The following C6orf132 variants were observed in gnomAD, a reference collection of about 807,000 sequenced individuals.
C6orf132 encodes uncharacterized protein C6orf132.
Under a neutral mutation model 65.3 loss-of-function variants are expected in C6orf132, and 43 were observed. The observed-to-expected ratio is 0.66, with a 90% CI of 0.52 to 0.85. The LOEUF (loss-of-function observed/expected upper bound fraction) is 0.85. Ranked by LOEUF, C6orf132 falls within the 40% of genes least tolerant of loss-of-function variation. C6orf132 has a pLI of 0.00. For synonymous variants in C6orf132, 631 were observed against 654.1 expected, an observed-to-expected ratio of 0.96 and a Z score of 0.54; for missense variants, 1,488 against 1,548.8, an observed-to-expected ratio of 0.96 and a Z score of 0.66.
intron 1 of C6orf132, among the ~76,000 whole-genome samples, chr6:42,130,774 T>TA (rs1026894661): frequency 1.4e-4 from 21 of 151,832 alleles, no homozygotes; most frequent in African/African-American, 9.7e-5. Context: ...ATCTTTTTTT[T>TA]ATCTTTATTT....
At chr6:42,137,864 C>T (rs1163808057) in intron 1 of C6orf132, among the ~76,000 whole-genome samples, 4 of 151,314 alleles carry the variant, frequency 2.6e-5, no homozygotes, top group Non-Finnish European at 5.9e-5. Flanking sequence ...ATCACGAGGT[C>T]AGGAGATCGA....
At position 42,136,942 on chromosome 6, in the gene C6orf132, C is replaced by T. The variant is rs555653566; in HGVS notation, c.145+5358G>A. Among the ~76,000 whole-genome samples, 10 of 152,242 alleles carry T rather than the reference C, an allele frequency of 6.6e-5. No individual in the cohort carries two copies. In the South Asian group the frequency reaches 8.3e-4, roughly 13 times the overall value. On this transcript the variant is annotated intron_variant, in intron 1 of 4. Coordinates refer to ENST00000341865, the MANE Select transcript of C6orf132 (RefSeq NM_001164446.3). ...GGAGGAGCAGAGTGAACAGGGCCCT[C>T]GGCTTCCAAGCTAGGACTCGCCACT...
rs569073764 is a variant in C6orf132 at position 42,132,463 on chromosome 6, CA to C, written c.146-3686del. On this transcript the variant is annotated intron_variant, in intron 1 of 4. Coordinates refer to ENST00000341865, the MANE Select transcript of C6orf132 (RefSeq NM_001164446.3). The stretch of plus-strand genomic sequence containing the variant: ...CAGGGAGGCGGAGGTTGCAGTGAGC[CA>C]AGATTGCGCCACTGCACTTCAGCCT... 4.7e-3 allele frequency among the ~76,000 whole-genome samples: 708 copies of C among 150,540 alleles called. 5 individuals carry two copies. Among genetic ancestry groups the C allele is most frequent in the African/African-American group, 0.017 (676 of 40,908 alleles).
At position 42,142,542 on chromosome 6, in the gene C6orf132, C is replaced by A. The variant is rs1023141240; in HGVS notation, c.-98G>T. ...AGCACGGTCTCCCCAGGGGACTCTACCAGGCCATGTCCCCCGCCGTCCTCC... is the reference window on the plus strand; with the variant it reads ...AGCACGGTCTCCCCAGGGGACTCTAACAGGCCATGTCCCCCGCCGTCCTCC... On this transcript the variant is annotated 5_prime_UTR_variant, in exon 1 of 5. Coordinates refer to ENST00000341865, the MANE Select transcript of C6orf132 (RefSeq NM_001164446.3). 17 of 1,266,534 alleles carry A rather than the reference C, an allele frequency of 1.3e-5. No individual in the cohort carries two copies. Among genetic ancestry groups the A allele is most frequent in the Non-Finnish European group, 4.2e-6 (4 of 957,012 alleles). 78.5% of individuals were successfully genotyped at this position (1,266,534 alleles called of 1,614,324 possible).
rs771714331 is a variant in C6orf132, at chr6:42,105,336, A to G, written c.2576T>C (p.Leu859Pro). ...AQKGRSVGAA[L>P]GRSSLPGSLR... is the part of the protein sequence containing the mutation. ...ACTTCCTGGCAGAGAGGACCGACCC[A>G]GGGCAGCCCCTACAGACCTTCCCTT... is the stretch of plus-strand genomic sequence containing the variant. The change falls in exon 4 of 5, where the codon CTG becomes CCG. Residue 859 changes from leucine to proline, a missense_variant. Leu to Pro is a moderately conservative substitution (Grantham distance 98, BLOSUM62 -3). Transcript: ENST00000341865. The G allele has an allele frequency of 6.5e-7, 1 of 1,536,842 alleles. No homozygotes were observed. Among genetic ancestry groups the G allele is most frequent in the South Asian group, 1.2e-5 (1 of 84,064 alleles).
rs1055935250 is a variant in C6orf132, at chr6:42,105,528, G to GC, written c.2383dup (p.Ala795GlyfsTer27). On this transcript the variant is annotated frameshift_variant, in exon 4 of 5. Coordinates refer to ENST00000341865, the MANE Select transcript of C6orf132 (RefSeq NM_001164446.3). LOFTEE classifies it high-confidence loss of function. ...CACCTCCACGGGCTCCCCTGGCCCT[G>GC]CAGCCCCTCCTCTGGCCAGGGTGGG... The GC allele has an allele frequency of 6.5e-7, 1 of 1,533,634 alleles. No homozygotes were observed. The highest frequency in any genetic ancestry group is 1.4e-5 in the African/African-American group (1 of 72,990).
chr6:42,104,437 C>G lies in C6orf132; in HGVS notation c.3449+26G>C, dbSNP rs1766350782. ...CTGGCTTTCCACCCCTCCTGGCTTCCCGCACCAGCCGGGCCCGCAGCTCAC... is the reference window on the plus strand; with the variant it reads ...CTGGCTTTCCACCCCTCCTGGCTTCGCGCACCAGCCGGGCCCGCAGCTCAC... On this transcript the variant is annotated intron_variant, in intron 4 of 4. Transcript: ENST00000341865. This position sits in a 1 kb window ranked among gnomAD's most constrained non-coding sequence, Gnocchi z 4.1. 1.6e-6 allele frequency: 2 copies of G among 1,230,178 alleles called. No homozygotes were observed. The highest frequency in any genetic ancestry group is 8.5e-5 in the Admixed American group (2 of 23,642). The allele number at this position is 1,230,178 out of a possible 1,614,324, so 76.2% of individuals were successfully genotyped here.
intron 2 of C6orf132, among the ~76,000 whole-genome samples, chr6:42,112,234 A>G (rs574340340): frequency 6.6e-6 from 1 of 152,326 alleles, no homozygotes; most frequent in South Asian, 2.1e-4. Flanking sequence ...TGAGGCTCAA[A>G]GACCTTTGGT....
intron 1 of C6orf132, among the ~76,000 whole-genome samples, chr6:42,135,310 C>T (rs890291480): frequency 1.3e-5 from 2 of 152,214 alleles, no homozygotes; most frequent in African/African-American, 4.8e-5. Flanking sequence ...AAACATGGCC[C>T]CTGACTTGCA....
Position 42,105,868 on chromosome 6 carries a change from G to C in C6orf132, c.2044C>G (p.Pro682Ala), listed in dbSNP as rs1766393223. ...PLKATSGPTT[P>A]LKATSGPAIA... The stretch of plus-strand genomic sequence containing the variant: ...GCAGGGCCAGATGTGGCCTTGAGTG[G>C]TGTGGTTGGCCCAGATGTGGCCTTG... Residue 682 changes from proline (P) to alanine (A), a missense_variant, in exon 4 of 5, where the codon CCA becomes GCA. By Grantham distance (27) the Pro-to-Ala change is conservative (BLOSUM62 -1). Coordinates refer to ENST00000341865, the MANE Select transcript of C6orf132 (RefSeq NM_001164446.3). The C allele has an allele frequency of 1.3e-6, 2 of 1,537,080 alleles. No homozygotes were observed. The highest frequency in any genetic ancestry group is 1.7e-6 in the Non-Finnish European group (2 of 1,146,890).
chr6:42,104,341 T>C lies in C6orf132; in HGVS notation c.3449+122A>G, dbSNP rs1172419412. 1.6e-6 allele frequency: 2 copies of C among 1,221,892 alleles called. No individual in the cohort carries two copies. 75.7% of individuals were successfully genotyped at this position (1,221,892 alleles called of 1,614,324 possible). A position where few individuals can be genotyped will look rare whatever the true frequency, so the allele number is the denominator to read the frequency against. ...GTAAGTGGGCCTCCCTCCCGCGTTC[T>C]ACCTGCAAGGCCGAAGGGAGAAAAC... On this transcript the variant is annotated intron_variant, in intron 4 of 4. Transcript: ENST00000341865. This position sits in a 1 kb window ranked among gnomAD's most constrained non-coding sequence, Gnocchi z 4.1.
chr6:42,108,234 CTAAT>C (rs1166070722), intron 3 of C6orf132, among the ~76,000 whole-genome samples: 1 of 152,198 alleles, frequency 6.6e-6, no homozygotes, highest in Admixed American at 6.5e-5. Flanking sequence ...CTTGAACACA[CTAAT>C]TAACCTTGCT....
chr6:42,138,608 G>A (rs1433662901), intron 1 of C6orf132, among the ~76,000 whole-genome samples: 2 of 152,192 alleles, frequency 1.3e-5, no homozygotes, highest in African/African-American at 4.8e-5. Context: ...TCAAATAAAT[G>A]TCTGAGGTAG....
At position 42,103,728 on chromosome 6, in the gene C6orf132, G is replaced by C; in HGVS notation, c.*33C>G. ...AAGTGCCCAGATCCTTAAAGACACAGTTTGTTGGAGTAGAGCTAAGAGAAC... is the reference window on the plus strand; with the variant it reads ...AAGTGCCCAGATCCTTAAAGACACACTTTGTTGGAGTAGAGCTAAGAGAAC... On this transcript the variant is annotated 3_prime_UTR_variant, in exon 5 of 5. Coordinates refer to ENST00000341865, the MANE Select transcript of C6orf132 (RefSeq NM_001164446.3). 7.8e-7 allele frequency: 1 copy of C among 1,284,546 alleles called. No individual in the cohort carries two copies. Among genetic ancestry groups the C allele is most frequent in the Non-Finnish European group, 1.0e-6 (1 of 995,082 alleles). The allele number at this position is 1,284,546 out of a possible 1,614,324, so 79.6% of individuals were successfully genotyped here.
At chr6:42,138,716 A>G (rs1202326971) in intron 1 of C6orf132, among the ~76,000 whole-genome samples, 1 of 152,112 alleles carries the variant, frequency 6.6e-6, no homozygotes, top group Non-Finnish European at 1.5e-5. Flanking sequence ...GGTGGTAGAT[A>G]AAGAATCTTG....
chr6:42,110,533 G>A (rs1314420438), intron 2 of C6orf132, among the ~76,000 whole-genome samples: 1 of 152,180 alleles, frequency 6.6e-6, no homozygotes, highest in African/African-American at 2.4e-5. Context: ...CATAGTATTA[G>A]TAAATACTGA....
At chr6:42,133,565 C>T (rs1246301666) in intron 1 of C6orf132, among the ~76,000 whole-genome samples, 1 of 152,074 alleles carries the variant, frequency 6.6e-6, no homozygotes, top group Admixed American at 6.6e-5. Flanking sequence ...TTGTGAGACC[C>T]CAGCAGCAGG....
At chr6:42,119,248 C>CAAAAAAAAAAAAAAAAAAAAAAAA (rs1156356191) in intron 2 of C6orf132, among the ~76,000 whole-genome samples, 3 of 44,778 alleles carry the variant, frequency 6.7e-5, no homozygotes, top group African/African-American at 2.9e-4. Context: ...GACTCTGTCT[C>CAAAAAAAAAAAAAAAAAAAAAAAA]AAAAAAAAAA....
chr6:42,111,466 TAG>T (rs1307804451), intron 2 of C6orf132, among the ~76,000 whole-genome samples: 1 of 152,064 alleles, frequency 6.6e-6, no homozygotes, highest in Non-Finnish European at 1.5e-5. Context: ...GTATTTTTAG[TAG>T]AGACGGGGTT....
Sources: allele counts gnomAD v4.1 joint callset (sites outside exome capture counted in the v4.1 genomes callset), GRCh38; gene constraint gnomAD v4.1.1; non-coding constraint Gnocchi (gnomAD v3.1); transcripts MANE v1.5; gene names NCBI Gene and HGNC (gene_info 2026-07-23, HGNC 2026-07-21).